NUBPL: variants seen among roughly 807,000 people sequenced by gnomAD.
NUBPL encodes the protein iron-sulfur cluster transfer protein NUBPL.
NUBPL carries 31 observed loss-of-function variants against 45.7 expected under a neutral mutation model. The ratio of observed to expected loss-of-function variants is 0.68; its 90% CI spans 0.51 to 0.92. NUBPL has a LOEUF of 0.92. Among genes scored for constraint, NUBPL ranks in the 40% least tolerant of loss-of-function variants. The pLI is 0.00. For synonymous variants in NUBPL, 144 were observed against 140.9 expected, an observed-to-expected ratio of 1.02 and a Z score of -0.15; for missense variants, 401 against 398.7, an observed-to-expected ratio of 1.01 and a Z score of -0.05.
intron 6 of NUBPL, among the ~76,000 whole-genome samples, chr14:31,769,792 A>G (rs1170133736): frequency 1.3e-5 from 2 of 151,212 alleles, no homozygotes; most frequent in Non-Finnish European, 2.9e-5. Flanking sequence ...TTTTTTTTTC[A>G]GTAGTTGGAA....
chr14:31,793,940 C>G (rs1348179738), intron 7 of NUBPL, among the ~76,000 whole-genome samples: 6 of 94,720 alleles, frequency 6.3e-5, no homozygotes, highest in Non-Finnish European at 1.2e-4. Context: ...TCCATGTGAT[C>G]TCATTGTTCA....
chr14:31,678,985 C>T (rs953580560), intron 6 of NUBPL, among the ~76,000 whole-genome samples: 1 of 152,188 alleles, frequency 6.6e-6, no homozygotes, highest in South Asian at 2.1e-4. Flanking sequence ...TGAGCGATTC[C>T]CCTCTGGTTA....
intron 4 of NUBPL, among the ~76,000 whole-genome samples, chr14:31,670,386 G>A (rs1271622209): frequency 1.3e-5 from 2 of 152,104 alleles, no homozygotes; most frequent in Admixed American, 1.3e-4. Context: ...TTTGTCAGAT[G>A]TATGGTTTAC....
intron 6 of NUBPL, among the ~76,000 whole-genome samples, chr14:31,776,013 A>T (rs927094845): frequency 1.3e-5 from 2 of 152,198 alleles, no homozygotes; most frequent in Admixed American, 1.3e-4. Context: ...TCAGAGAAGG[A>T]ATGTGAGTCT....
intron 6 of NUBPL, among the ~76,000 whole-genome samples, chr14:31,713,592 C>T (rs1228171883): frequency 6.6e-6 from 1 of 152,166 alleles, no homozygotes; most frequent in African/African-American, 2.4e-5. Flanking sequence ...CTAGAGATGT[C>T]CTTTTAAGTG....
At chr14:31,702,517 G>A (rs1451231095) in intron 6 of NUBPL, among the ~76,000 whole-genome samples, 1 of 152,210 alleles carries the variant, frequency 6.6e-6, no homozygotes, top group Non-Finnish European at 1.5e-5. Flanking sequence ...TTTGGGGCAA[G>A]GTTAAATTCT....
chr14:31,757,811 T>G (rs2038704009), intron 6 of NUBPL, among the ~76,000 whole-genome samples: 1 of 152,154 alleles, frequency 6.6e-6, no homozygotes, highest in Admixed American at 6.6e-5. Flanking sequence ...AAACCCTTTT[T>G]TTAGCCTTGA....
chr14:31,649,620 A>G (rs187684115), intron 4 of NUBPL, among the ~76,000 whole-genome samples: 19 of 152,378 alleles, frequency 1.2e-4, no homozygotes, highest in African/African-American at 4.6e-4. Flanking sequence ...ATGTGATACA[A>G]GTAACCATTT....
At chr14:31,639,157 G>T (rs188328398) in intron 4 of NUBPL, among the ~76,000 whole-genome samples, 7 of 152,242 alleles carry the variant, frequency 4.6e-5, no homozygotes, top group African/African-American at 1.2e-4. Context: ...AGGAGGAGAG[G>T]TGCTCTGGTT....
intron 7 of NUBPL, among the ~76,000 whole-genome samples, chr14:31,800,346 A>G (rs2039563174): frequency 6.6e-6 from 1 of 152,192 alleles, no homozygotes; most frequent in African/African-American, 2.4e-5. Flanking sequence ...ACAACATAAT[A>G]TCGATTAGGA....
At chr14:31,606,116 G>C (rs1452029627) in intron 4 of NUBPL, among the ~76,000 whole-genome samples, 4 of 31,096 alleles carry the variant, frequency 1.3e-4, no homozygotes, top group Non-Finnish European at 2.7e-4. Flanking sequence ...TTTTTTTTTT[G>C]AGAGTATCAC....
At chr14:31,594,102 C>T (rs1185313043) in intron 3 of NUBPL, among the ~76,000 whole-genome samples, 1 of 152,032 alleles carries the variant, frequency 6.6e-6, no homozygotes, top group Non-Finnish European at 1.5e-5. Context: ...TCTTCCTACT[C>T]AAAAATAGAG....
chr14:31,754,797 A>G (rs2038618523), intron 6 of NUBPL, among the ~76,000 whole-genome samples: 1 of 149,706 alleles, frequency 6.7e-6, no homozygotes, highest in South Asian at 2.2e-4. Context: ...TGCTGCACCC[A>G]TTAACTCGTC....
chr14:31,568,813 G>C (rs112868015), intron 3 of NUBPL, among the ~76,000 whole-genome samples: 1,616 of 151,378 alleles, frequency 0.011, 24 homozygotes, highest in African/African-American at 0.037. Flanking sequence ...AGGGGAAACA[G>C]GTCCAGGAAG....
chr14:31,644,078 C>G (rs941283209), intron 4 of NUBPL, among the ~76,000 whole-genome samples: 2 of 151,508 alleles, frequency 1.3e-5, no homozygotes, highest in Non-Finnish European at 2.9e-5. Context: ...TTTTGCTTGT[C>G]TTGTTTAAAA....
At chr14:31,565,937 C>G (rs183786869) in intron 3 of NUBPL, among the ~76,000 whole-genome samples, 112 of 151,952 alleles carry the variant, frequency 7.4e-4, no homozygotes, top group African/African-American at 2.7e-3. Context: ...TGGATGTTAT[C>G]TTTTTAGATA....
intron 4 of NUBPL, among the ~76,000 whole-genome samples, chr14:31,657,388 G>A (rs556460307): frequency 2.0e-5 from 3 of 152,154 alleles, no homozygotes; most frequent in Non-Finnish European, 4.4e-5. Flanking sequence ...ATTGAAAAGA[G>A]TTTGCCTCTA....
chr14:31,579,085 T>C (rs1159954451), intron 3 of NUBPL, among the ~76,000 whole-genome samples: 1 of 152,150 alleles, frequency 6.6e-6, no homozygotes, highest in Non-Finnish European at 1.5e-5. Flanking sequence ...TTTTTCTGAG[T>C]AGATAAGGAA....
At chr14:31,600,272 C>A (rs1409973607) in intron 4 of NUBPL, among the ~76,000 whole-genome samples, 1 of 152,056 alleles carries the variant, frequency 6.6e-6, no homozygotes, top group Non-Finnish European at 1.5e-5. Flanking sequence ...ATCTTCCAAC[C>A]CACTTATTCT....
Sources: gnomAD v4.1 joint callset for allele counts (sites outside exome capture counted in the v4.1 genomes callset) on GRCh38, gnomAD v4.1.1 for gene constraint, MANE v1.5 for transcripts, NCBI Gene and HGNC (gene_info 2026-07-23, HGNC 2026-07-21) for gene names.